Variants in CASP8 observed in about 807,000 individuals in gnomAD.
The protein encoded by CASP8 is caspase-8.
In CASP8, 24 loss-of-function variants were observed where a neutral mutation model predicts 46.3. The ratio of observed to expected loss-of-function variants is 0.52; its 90% CI spans 0.38 to 0.73. The LOEUF (loss-of-function observed/expected upper bound fraction) is 0.73. CASP8 is among the 30% of genes least tolerant of loss of function. CASP8 has a pLI of 0.00. For missense variants in CASP8, 460 were observed against 559.0 expected, an observed-to-expected ratio of 0.82 and a Z score of 1.79; for synonymous variants, 188 against 200.4, an observed-to-expected ratio of 0.94 and a Z score of 0.52.
In CASP8 at chr2:201,284,876, C is replaced by G; in HGVS notation, c.863C>G (p.Thr288Arg). Reference protein sequence around the residue: ...HFEIKPHDDCTVEQIYEILKI... With the variant: ...HFEIKPHDDCRVEQIYEILKI... ...GAGATCAAGCCCCACGATGACTGCA[C>G]AGTAGAGCAAATCTATGAGATTTTG... Residue 288 changes from threonine to arginine, a missense_variant, in exon 8 of 9, where the codon ACA becomes AGA. Physicochemically the swap from Thr to Arg is moderately conservative, Grantham distance 71. Transcript: ENST00000673742. 1.2e-6 allele frequency: 2 copies of G among 1,614,116 alleles called. No homozygotes were observed.
upstream of CASP8, chr2:201,258,381 GGGTGAGTGCCTGTT>G: frequency 1.2e-6 from 2 of 1,613,976 alleles, no homozygotes; most frequent in Non-Finnish European, 8.5e-7. Context: ...AGGGTGGAGC[GGGTGAGTGCCTGTT>G]GCCAAGGTGG....
chr2:201,286,778 G>A lies in CASP8; in HGVS notation c.*184G>A. On this transcript the variant is annotated 3_prime_UTR_variant, in exon 9 of 9. Coordinates refer to ENST00000673742, the MANE Select transcript of CASP8 (RefSeq NM_001372051.1). Reference sequence around the variant, plus strand: ...CTACAGGGGCCCGCCACCACACCTGGCTAATTTTTTAAAAATATTTTTAGT... The same window carrying A: ...CTACAGGGGCCCGCCACCACACCTGACTAATTTTTTAAAAATATTTTTAGT... The A allele has an allele frequency of 1.9e-6, 1 of 513,012 alleles. No individual in the cohort carries two copies. The highest frequency in any genetic ancestry group is 3.5e-6 in the Non-Finnish European group (1 of 283,518). The allele number at this position is 513,012 out of a possible 1,614,324, so 31.8% of individuals were successfully genotyped here.
chr2:201,281,930 A>G, intron 7 of CASP8: 3 of 501,044 alleles, frequency 6.0e-6, no homozygotes, highest in Non-Finnish European at 2.6e-6. Context: ...TCTGGTTCAA[A>G]TTCTTTTTTT....
chr2:201,285,051 T>C lies in CASP8; in HGVS notation c.1038T>C (p.Pro346=), dbSNP rs768360449. The part of the protein sequence containing the change: ...LTSQFTGLKC[P]SLAGKPKVFF... ...CTCAGTTCACTGGTTTGAAGTGCCC[T>C]TCCCTTGCTGGAAAACCCAAAGTGT... The change falls in exon 8 of 9, where the codon CCT becomes CCC. Residue 346 remains proline, a synonymous_variant. Transcript: ENST00000673742. The C allele has an allele frequency of 4.3e-6, 7 of 1,614,068 alleles. No individual in the cohort carries two copies. Among genetic ancestry groups the C allele is most frequent in the Non-Finnish European group, 5.9e-6 (7 of 1,180,036 alleles).
intron 7 of CASP8, among the ~76,000 whole-genome samples, chr2:201,278,669 T>C (rs1333938746): frequency 2.0e-5 from 3 of 152,114 alleles, no homozygotes; most frequent in South Asian, 2.1e-4. Context: ...CCCAAGTAGC[T>C]GGGATTACAG....
upstream of CASP8, among the ~76,000 whole-genome samples, chr2:201,256,938 G>C (rs1392749165): frequency 6.6e-6 from 1 of 152,058 alleles, no homozygotes; most frequent in Non-Finnish European, 1.5e-5. Context: ...CTGAGGTCGT[G>C]AGTTTGAGAC....
At chr2:201,251,774 T>C (rs1946797938) in intron 2 of CASP8, among the ~76,000 whole-genome samples, 1 of 152,020 alleles carries the variant, frequency 6.6e-6, no homozygotes, top group South Asian at 2.1e-4. Flanking sequence ...GTGGTGGTCA[T>C]GCCGGTAATC....
intron 7 of CASP8, among the ~76,000 whole-genome samples, chr2:201,279,394 A>C (rs1385790176): frequency 6.6e-6 from 1 of 152,242 alleles, no homozygotes; most frequent in Admixed American, 6.5e-5. Context: ...TCAGATCTCT[A>C]AACCAACTTG....
At chr2:201,273,033 T>A in intron 5 of CASP8, 91 bp downstream of exon 5, 12 of 998,320 alleles carry the variant, frequency 1.2e-5, no homozygotes, top group Non-Finnish European at 1.8e-5. Context: ...CACATGCACA[T>A]CTTAACGTGC....
chr2:201,284,615 G>A (rs1247979671), intron 7 of CASP8, among the ~76,000 whole-genome samples: 11 of 28,118 alleles, frequency 3.9e-4, no homozygotes, highest in South Asian at 2.2e-3. Context: ...GCAGTGAGCC[G>A]AGATGGCAGC....
intron 2 of CASP8, among the ~76,000 whole-genome samples, chr2:201,249,984 T>C (rs1163878846): frequency 6.6e-6 from 1 of 152,258 alleles, no homozygotes; most frequent in South Asian, 2.1e-4. Context: ...TTAAGTTTTA[T>C]GTGACATGGA....
intron 2 of CASP8, among the ~76,000 whole-genome samples, chr2:201,271,238 GAA>G (rs891963861): frequency 7.1e-6 from 1 of 141,056 alleles, no homozygotes; most frequent in Admixed American, 7.1e-5. Flanking sequence ...CCATTTTACA[GAA>G]AAAAAAAAAG....
At chr2:201,246,504 T>G (rs1190352747) in intron 2 of CASP8, among the ~76,000 whole-genome samples, 2 of 152,172 alleles carry the variant, frequency 1.3e-5, no homozygotes, top group Non-Finnish European at 2.9e-5. Context: ...AAAAAACATA[T>G]TATTATGCAA....
rs1249963205 is a variant in CASP8 at position 201,285,176 on chromosome 2, C to T, written c.1163C>T (p.Pro388Leu). ...QPYLEMDLSS[P>L]QTRYIPDEAD... The stretch of plus-strand genomic sequence containing the variant: ...TATTTAGAAATGGATTTATCATCAC[C>T]TCAAACGAGATATATCCCGGATGAG... Residue 388 changes from proline (P) to leucine (L), a missense_variant, in exon 8 of 9, where the codon CCT becomes CTT. Physicochemically the swap from Pro to Leu is moderately conservative, Grantham distance 98. Transcript: ENST00000673742. 1 of 1,614,184 alleles carries T rather than the reference C, an allele frequency of 6.2e-7. No homozygotes were observed. The highest frequency in any genetic ancestry group is 1.7e-5 in the Admixed American group (1 of 60,024).
At chr2:201,279,843 C>T (rs2125363277) in intron 7 of CASP8, among the ~76,000 whole-genome samples, 1 of 152,260 alleles carries the variant, frequency 6.6e-6, no homozygotes, top group South Asian at 2.1e-4. Flanking sequence ...ACCCCAGCTA[C>T]TACAGAGGCT....
chr2:201,283,919 A>C (rs1949358263), intron 7 of CASP8, among the ~76,000 whole-genome samples: 1 of 24,704 alleles, frequency 4.0e-5, no homozygotes, highest in Admixed American at 2.2e-4. Flanking sequence ...CTCACTTCTC[A>C]GACGGGGCGG....
At chr2:201,279,450 T>C (rs1259741986) in intron 7 of CASP8, among the ~76,000 whole-genome samples, 5 of 152,218 alleles carry the variant, frequency 3.3e-5, no homozygotes, top group Non-Finnish European at 7.3e-5. Flanking sequence ...CTGGAGAAGC[T>C]GAAAGCTCTA....
In CASP8 at chr2:201,271,588, G is replaced by C; in HGVS notation, c.378G>C (p.Glu126Asp). 1 of 1,607,496 alleles carries C rather than the reference G, an allele frequency of 6.2e-7. No individual in the cohort carries two copies. The highest frequency in any genetic ancestry group is 8.5e-7 in the Non-Finnish European group (1 of 1,173,870). The change falls in exon 3 of 9, where the codon GAG becomes GAC. Residue 126 changes from glutamate to aspartate, a missense_variant. Glu to Asp is a conservative substitution (Grantham distance 45). Coordinates refer to ENST00000673742, the MANE Select transcript of CASP8 (RefSeq NM_001372051.1). ...ELRSFKFLLQ[E>D]EISKCKLDDD... ...GGTCTTTTAAGTTTCTTTTGCAAGAGGAAATCTCCAAATGCAAACTGGATG... is the reference window on the plus strand; with the variant it reads ...GGTCTTTTAAGTTTCTTTTGCAAGACGAAATCTCCAAATGCAAACTGGATG...
At chr2:201,247,705 T>C (rs1946594970) in intron 2 of CASP8, among the ~76,000 whole-genome samples, 1 of 151,738 alleles carries the variant, frequency 6.6e-6, no homozygotes, top group African/African-American at 2.4e-5. Flanking sequence ...AGTGCAGTGG[T>C]GCGATCTCGG....
Sources: gnomAD v4.1 joint callset for allele counts (sites outside exome capture counted in the v4.1 genomes callset) on GRCh38, gnomAD v4.1.1 for gene constraint, MANE v1.5 for transcripts, NCBI Gene and HGNC (gene_info 2026-07-23, HGNC 2026-07-21) for gene names.